LRRTM4: variants seen among roughly 807,000 people sequenced by gnomAD.
LRRTM4 encodes the protein leucine rich repeat transmembrane neuronal 4.
A neutral mutation model predicts 47.6 loss-of-function variants in LRRTM4; 25 were observed. The ratio of observed to expected loss-of-function variants is 0.53; its 90% CI spans 0.38 to 0.73. The LOEUF (loss-of-function observed/expected upper bound fraction) is 0.73. Ranked by LOEUF, LRRTM4 falls within the 30% of genes least tolerant of loss-of-function variation. LRRTM4 has a pLI of 0.00. For synonymous variants in LRRTM4, 311 were observed against 269.5 expected (o/e 1.15, Z -1.51); for missense variants, 638 against 713.4 (o/e 0.89, Z 1.20).
chr2:76,760,037 T>C (rs960614662), intron 3 of LRRTM4, among the ~76,000 whole-genome samples: 1 of 152,200 alleles, frequency 6.6e-6, no homozygotes, highest in Non-Finnish European at 1.5e-5. Flanking sequence ...GTGTGTAGAA[T>C]GCTTCAATAA....
At chr2:76,860,470 G>T (rs1479318786) in intron 3 of LRRTM4, among the ~76,000 whole-genome samples, 1 of 152,166 alleles carries the variant, frequency 6.6e-6, no homozygotes, top group Admixed American at 6.6e-5. Flanking sequence ...TATCCTTCGT[G>T]GCTAGCTGTG....
At chr2:77,371,149 GAGAC>G (rs1226187089) in intron 3 of LRRTM4, among the ~76,000 whole-genome samples, 1 of 151,694 alleles carries the variant, frequency 6.6e-6, no homozygotes, top group Non-Finnish European at 1.5e-5. Flanking sequence ...GTTAAGATGT[GAGAC>G]AGACAGGTGA....
intron 3 of LRRTM4, among the ~76,000 whole-genome samples, chr2:77,277,195 C>T (rs1413418843): frequency 2.6e-5 from 4 of 151,980 alleles, no homozygotes; most frequent in South Asian, 4.1e-4. Flanking sequence ...CATGCAAAAC[C>T]AATTACAGAT....
chr2:76,751,871 G>A (rs540192333), intron 3 of LRRTM4, among the ~76,000 whole-genome samples: 3 of 152,096 alleles, frequency 2.0e-5, no homozygotes, highest in Non-Finnish European at 2.9e-5. Context: ...CAGCCCATTC[G>A]TACTCTCTTG....
chr2:76,859,951 G>A (rs922435153), intron 3 of LRRTM4, among the ~76,000 whole-genome samples: 1 of 152,018 alleles, frequency 6.6e-6, no homozygotes, highest in African/African-American at 2.4e-5. Flanking sequence ...CAGAATTATA[G>A]CCCCTAGAAT....
intron 3 of LRRTM4, among the ~76,000 whole-genome samples, chr2:77,281,791 T>C (rs1676513275): frequency 6.6e-6 from 1 of 151,666 alleles, no homozygotes; most frequent in South Asian, 2.1e-4. Context: ...GCAAATAAAG[T>C]CACAAAAATA....
At chr2:77,480,415 C>T (rs756462823) in intron 3 of LRRTM4, among the ~76,000 whole-genome samples, 7 of 151,982 alleles carry the variant, frequency 4.6e-5, no homozygotes, top group Non-Finnish European at 1.0e-4. Context: ...TTTATTTATC[C>T]GATTTTAATG....
intron 3 of LRRTM4, among the ~76,000 whole-genome samples, chr2:77,099,264 T>C (rs1366683106): frequency 1.3e-5 from 2 of 151,942 alleles, no homozygotes; most frequent in Admixed American, 6.6e-5. Context: ...TATGTTTTCA[T>C]GATTGTCTAT....
chr2:76,770,833 G>T (rs1673667774), intron 3 of LRRTM4, among the ~76,000 whole-genome samples: 1 of 152,066 alleles, frequency 6.6e-6, no homozygotes, highest in Admixed American at 6.6e-5. Context: ...ATTTCTAATT[G>T]TTTCTCGATC....
At chr2:77,221,385 G>C (rs1357304245) in intron 3 of LRRTM4, among the ~76,000 whole-genome samples, 2 of 152,136 alleles carry the variant, frequency 1.3e-5, no homozygotes, top group African/African-American at 2.4e-5. Context: ...TGGGCTAAGT[G>C]CTCCAAATAA....
At chr2:76,987,625 T>G (rs973232483) in intron 3 of LRRTM4, 2 of 151,996 alleles carry the variant, frequency 1.3e-5, no homozygotes, top group Admixed American at 1.3e-4. Flanking sequence ...GTAAAATATA[T>G]TCATCTCTTA....
At chr2:77,135,443 T>G (rs115082358) in intron 3 of LRRTM4, among the ~76,000 whole-genome samples, 1 of 152,196 alleles carries the variant, frequency 6.6e-6, no homozygotes, top group Non-Finnish European at 1.5e-5. Flanking sequence ...CTTCACAGAA[T>G]TACTTAGGGT....
chr2:76,971,137 C>T (rs928108230), intron 3 of LRRTM4, among the ~76,000 whole-genome samples: 5 of 151,898 alleles, frequency 3.3e-5, no homozygotes, highest in South Asian at 2.1e-4. Flanking sequence ...ACAGTTGCCA[C>T]GAACAAAGTC....
chr2:77,481,189 A>T (rs1677689445), intron 3 of LRRTM4, among the ~76,000 whole-genome samples: 1 of 152,182 alleles, frequency 6.6e-6, no homozygotes, highest in African/African-American at 2.4e-5. Context: ...TTTCTAACAT[A>T]AACTGTTATG....
chr2:77,203,543 CTG>C (rs1674038033), intron 3 of LRRTM4, among the ~76,000 whole-genome samples: 1 of 152,084 alleles, frequency 6.6e-6, no homozygotes, highest in Non-Finnish European at 1.5e-5. Context: ...CCCACTGCTA[CTG>C]TGAAGGTAAA....
At chr2:76,757,298 G>A (rs991918741) in intron 3 of LRRTM4, among the ~76,000 whole-genome samples, 1 of 152,090 alleles carries the variant, frequency 6.6e-6, no homozygotes, top group Non-Finnish European at 1.5e-5. Context: ...TACTATTTGT[G>A]TACTCAACAG....
chr2:77,521,487 AAC>A (rs1679496514), intron 2 of LRRTM4, among the ~76,000 whole-genome samples, 179 bp downstream of exon 2: 1 of 151,938 alleles, frequency 6.6e-6, no homozygotes, highest in South Asian at 2.1e-4. Context: ...TTAAAAAAAA[AAC>A]ACTGCAAAAA....
Position 77,130,801 on chromosome 2 carries a change from G to A in LRRTM4, c.1552-381885C>T, listed in dbSNP as rs1351647963. On this transcript the variant is annotated intron_variant, in intron 3 of 3. Coordinates refer to ENST00000409884, the MANE Select transcript of LRRTM4 (RefSeq NM_001134745.3). ...GCTGGGATTACAAGTGTGAGCCACC[G>A]TGCCCGGCCAATTATTTGTTCTATT... Among the ~76,000 whole-genome samples, 12 of 135,626 alleles carry A rather than the reference G, an allele frequency of 8.8e-5. No homozygotes were observed. In the South Asian group the frequency reaches 1.4e-3, roughly 16 times the overall value. The allele number at this position is 135,626 out of a possible 152,430, so 89.0% of individuals were successfully genotyped here.
intron 3 of LRRTM4, among the ~76,000 whole-genome samples, chr2:77,178,935 C>A (rs931915542): frequency 5.3e-5 from 8 of 152,046 alleles, no homozygotes; most frequent in African/African-American, 9.7e-5. Flanking sequence ...TTTTTATAGC[C>A]TCTCAAATAT....
Sources: gnomAD v4.1 joint callset for allele counts (sites outside exome capture counted in the v4.1 genomes callset) on GRCh38, gnomAD v4.1.1 for gene constraint, MANE v1.5 for transcripts, NCBI Gene and HGNC (gene_info 2026-07-23, HGNC 2026-07-21) for gene names.